Variants in GMPR2 observed in about 807,000 individuals in gnomAD.
GMPR2 encodes guanosine monophosphate reductase 2, also known as GMP reductase 2.
In GMPR2, 32 loss-of-function variants were observed where a neutral mutation model predicts 38.5. The observed-to-expected ratio is 0.83, with a 90% CI of 0.63 to 1.12. The LOEUF (loss-of-function observed/expected upper bound fraction) is 1.12, where lower values mean the gene tolerates loss of function less well. Among genes scored for constraint, GMPR2 ranks in the 50% most tolerant of loss-of-function variants. GMPR2 has a pLI of 0.00. For missense variants in GMPR2, 396 were observed against 432.1 expected (o/e 0.92, Z 0.74); for synonymous variants, 154 against 151.0 (o/e 1.02, Z -0.15).
At chr14:24,237,450 T>C in intron 7 of GMPR2, 70 bp from the exon 8 acceptor site, 1 of 1,548,234 alleles carries the variant, frequency 6.5e-7, no homozygotes, top group Non-Finnish European at 8.9e-7. Context: ...TGGCTTTGAG[T>C]TGGGCTGTTG....
chr14:24,232,882 C>T (rs2040110346), upstream of GMPR2: 1 of 372,766 alleles, frequency 2.7e-6, no homozygotes, highest in Non-Finnish European at 5.0e-6. Flanking sequence ...AGTTATGAAC[C>T]CTCCCCGCCC....
rs142105325 is a variant in GMPR2 at position 24,233,499 on chromosome 14, T to C, written c.108T>C (p.Phe36=). The C allele has an allele frequency of 5.0e-6, 8 of 1,614,032 alleles. 1 individual carries two copies. The African/African-American group carries it at 1.1e-4, about 22-fold the overall frequency. The change falls in exon 3 of 10, where the codon TTT becomes TTC. Residue 36 remains phenylalanine (F), a synonymous_variant. Transcript: ENST00000399440. ...TGCAGGTGGATCTCACAAGATCCTT[T>C]TCATTTCGGAACTCAAAGCAGACAT... is the stretch of plus-strand genomic sequence containing the variant. ...SRSEVDLTRS[F]SFRNSKQTYS...
At chr14:24,237,695 G>A (rs1261263053) in intron 8 of GMPR2, 133 bp downstream of exon 8, 4 of 833,764 alleles carry the variant, frequency 4.8e-6, no homozygotes, top group Non-Finnish European at 5.9e-6. Flanking sequence ...TGACTCCGAA[G>A]TCTATGGTAT....
In GMPR2 at chr14:24,238,316, C is replaced by T. The variant is rs376528348; in HGVS notation, c.768C>T (p.Ile256=). The T allele has an allele frequency of 5.6e-6, 9 of 1,613,852 alleles. 1 individual carries two copies. In the South Asian group the frequency reaches 7.7e-5, roughly 14 times the overall value. Residue 256 remains isoleucine (I), a synonymous_variant, in exon 9 of 10, where the codon ATC becomes ATT. Coordinates refer to ENST00000399440, the MANE Select transcript of GMPR2 (RefSeq NM_001002002.3). ...ACAGTGAGTCAGGTGGTGAGCTCAT[C>T]GAGAGGGATGGCAAGAAGTACAAGC... ...AGHSESGGEL[I]ERDGKKYKLF... is the part of the protein sequence containing the mutation.
chr14:24,236,136 T>C lies in GMPR2; in HGVS notation c.461T>C (p.Ile154Thr). The change falls in exon 5 of 10, where the codon ATC becomes ACC. Residue 154 changes from isoleucine (I) to threonine (T), a missense_variant. Physicochemically the swap from Ile to Thr is moderately conservative, Grantham distance 89. Coordinates refer to ENST00000399440, the MANE Select transcript of GMPR2 (RefSeq NM_001002002.3). Reference protein sequence around the residue: ...DVRKRFPQHTIMAGNVVTGEM... With the variant: ...DVRKRFPQHTTMAGNVVTGEM... ...CGGAAGCGCTTCCCCCAGCACACCA[T>C]CATGGTATGTTTCTATTACAGTCGG... The C allele has an allele frequency of 6.2e-7, 1 of 1,612,818 alleles. No individual in the cohort carries two copies. The highest frequency in any genetic ancestry group is 8.5e-7 in the Non-Finnish European group (1 of 1,178,972).
At chr14:24,233,993 A>T (rs2040211548) in intron 3 of GMPR2, 10 of 813,638 alleles carry the variant, frequency 1.2e-5, no homozygotes, top group Non-Finnish European at 1.8e-5. Context: ...AGCATTCAAA[A>T]ATCCTAACTA....
chr14:24,237,438 G>A (rs913716966), intron 7 of GMPR2, 82 bp from the exon 8 acceptor site: 2 of 1,534,088 alleles, frequency 1.3e-6, no homozygotes, highest in African/African-American at 1.4e-5. Context: ...CTGGGTTCTT[G>A]TTGGCTTTGA....
At chr14:24,233,680 T>C (rs763364349) in intron 3 of GMPR2, 82 bp downstream of exon 3, 13 of 1,456,350 alleles carry the variant, frequency 8.9e-6, no homozygotes, top group Non-Finnish European at 1.3e-5. Context: ...CCCACCCCCA[T>C]GCCCAGTCAG....
In GMPR2 at chr14:24,233,221, C is replaced by T. The variant is rs376015354; in HGVS notation, c.-33C>T. The T allele has an allele frequency of 5.6e-6, 9 of 1,613,526 alleles. No individual in the cohort carries two copies. In the African/African-American group the frequency reaches 9.3e-5, roughly 17 times the overall value. ...CCTTATGACTTCCTGCCTTCCAGCC[C>T]TCAGATTCATCGCTACCCCGAGGCT... On this transcript the variant is annotated splice_region_variant and 5_prime_UTR_variant, in exon 2 of 10. Transcript: ENST00000399440.
Position 24,237,273 on chromosome 14 carries a change from T to C in GMPR2, c.576T>C (p.Thr192=). 6.2e-7 allele frequency: 1 copy of C among 1,611,574 alleles called. No homozygotes were observed. Among genetic ancestry groups the C allele is most frequent in the Non-Finnish European group, 8.5e-7 (1 of 1,177,650 alleles). Residue 192 remains threonine (T), a synonymous_variant, in exon 7 of 10, where the codon ACT becomes ACC. Transcript: ENST00000399440. ...CTGTGTGTACTACTCGGAAGAAAACTGGAGTGGGGTATCCACAGCTCAGCG... is the reference window on the plus strand; with the variant it reads ...CTGTGTGTACTACTCGGAAGAAAACCGGAGTGGGGTATCCACAGCTCAGCG... ...PGSVCTTRKK[T]GVGYPQLSAV... is the part of the protein sequence containing the mutation.
upstream of GMPR2, chr14:24,232,652 C>A: frequency 3.5e-6 from 1 of 286,540 alleles, no homozygotes; most frequent in Non-Finnish European, 6.8e-6. Flanking sequence ...CCAACAGCAA[C>A]CTCAGTGCGT....
intron 1 of GMPR2, 21 bp downstream of exon 1, chr14:24,232,998 G>A (rs1485714985): frequency 1.7e-6 from 1 of 598,464 alleles, no homozygotes; most frequent in East Asian, 2.8e-5. Context: ...CACCGTCAGG[G>A]TCTCTCACAA....
chr14:24,232,860 A>G (rs1380005271), upstream of GMPR2: 7 of 299,604 alleles, frequency 2.3e-5, no homozygotes, highest in Middle Eastern at 1.1e-3. Flanking sequence ...GAGTACCTCT[A>G]TTCCGGAAAC....
intron 4 of GMPR2, 26 bp from the exon 5 acceptor site, chr14:24,235,941 T>G (rs758835341): frequency 1.0e-4 from 161 of 1,611,976 alleles, no homozygotes; most frequent in Admixed American, 2.7e-4. Flanking sequence ...ATCTCTGATA[T>G]GCCAATGACT....
Position 24,233,497 on chromosome 14 carries a change from T to A in GMPR2, c.106T>A (p.Phe36Ile). 6.2e-7 allele frequency: 1 copy of A among 1,613,948 alleles called. No homozygotes were observed. Among genetic ancestry groups the A allele is most frequent in the East Asian group, 2.2e-5 (1 of 44,886 alleles). The change falls in exon 3 of 10, where the codon TTT (phenylalanine) becomes ATT (isoleucine). Residue 36 changes from phenylalanine to isoleucine, a missense_variant. Transcript: ENST00000399440. ...SRSEVDLTRS[F>I]SFRNSKQTYS... ...TCTGCAGGTGGATCTCACAAGATCCTTTTCATTTCGGAACTCAAAGCAGAC... is the reference window on the plus strand; with the variant it reads ...TCTGCAGGTGGATCTCACAAGATCCATTTCATTTCGGAACTCAAAGCAGAC...
Position 24,233,338 on chromosome 14 carries a change from G to C in GMPR2, c.85G>C (p.Glu29Gln). The change falls in exon 2 of 10, where the codon GAG becomes CAG. Residue 29 changes from glutamate to glutamine, a missense_variant and splice_region_variant. Transcript: ENST00000399440. ...ACGCAGTACCCTTAAGTCTCGAAGT[G>C]AGGTGAGCAAGCTTCTCTACTTGCT... ...PKRSTLKSRSEVDLTRSFSFR... is the reference protein window; with the variant it reads ...PKRSTLKSRSQVDLTRSFSFR... The C allele has an allele frequency of 6.2e-7, 1 of 1,614,102 alleles. No homozygotes were observed. The highest frequency in any genetic ancestry group is 8.5e-7 in the Non-Finnish European group (1 of 1,179,992).
chr14:24,238,430 A>C, intron 9 of GMPR2, 25 bp downstream of exon 9: 1 of 1,614,092 alleles, frequency 6.2e-7, no homozygotes, highest in Non-Finnish European at 8.5e-7. Flanking sequence ...CCAGGAGCTT[A>C]GTAATAGTAT....
chr14:24,237,114 T>C lies in GMPR2; in HGVS notation c.509T>C (p.Leu170Pro). 6.2e-7 allele frequency: 1 copy of C among 1,613,228 alleles called. No individual in the cohort carries two copies. The highest frequency in any genetic ancestry group is 1.1e-5 in the South Asian group (1 of 91,068). ...VTGEMVEELI[L>P]SGADIIKVGI... The stretch of plus-strand genomic sequence containing the variant: ...GGAGAGATGGTAGAAGAGCTCATCC[T>C]TTCTGGGGCTGACATCATCAAAGTG... Residue 170 changes from leucine (L) to proline (P), a missense_variant, in exon 6 of 10, where the codon CTT becomes CCT. Coordinates refer to ENST00000399440, the MANE Select transcript of GMPR2 (RefSeq NM_001002002.3).
chr14:24,233,282 T>C lies in GMPR2; in HGVS notation c.29T>C (p.Leu10Pro). 6.2e-7 allele frequency: 1 copy of C among 1,614,078 alleles called. No homozygotes were observed. The highest frequency in any genetic ancestry group is 1.7e-5 in the Admixed American group (1 of 60,020). MPHIDNDVK[L>P]DFKDVLLRPK... ...CCTCATATTGACAACGATGTGAAAC[T>C]GGACTTCAAGGATGTCCTTTTGAGG... The change falls in exon 2 of 10, where the codon CTG becomes CCG. Residue 10 changes from leucine to proline, a missense_variant. Physicochemically the swap from Leu to Pro is moderately conservative, Grantham distance 98. Transcript: ENST00000399440.
Sources: gnomAD v4.1 joint callset for allele counts on GRCh38, gnomAD v4.1.1 for gene constraint, MANE v1.5 for transcripts, NCBI Gene and HGNC (gene_info 2026-07-23, HGNC 2026-07-21) for gene names.